CAMK1D: variants seen among roughly 807,000 people sequenced by gnomAD.
CAMK1D encodes calcium/calmodulin dependent protein kinase ID, also known as calcium/calmodulin-dependent protein kinase type 1D.
CAMK1D carries 9 observed loss-of-function variants against 47.7 expected under a neutral mutation model. The observed-to-expected ratio is 0.19, with a 90% CI of 0.11 to 0.33. CAMK1D has a LOEUF of 0.33. Ranked by LOEUF, CAMK1D falls within the 10% of genes least tolerant of loss-of-function variation. CAMK1D has a pLI of 1.00. For synonymous variants in CAMK1D, 184 were observed against 184.9 expected (o/e 0.99, Z 0.04); for missense variants, 291 against 488.7 (o/e 0.60, Z 3.81).
intron 5 of CAMK1D, among the ~76,000 whole-genome samples, chr10:12,787,341 C>A (rs1227196659): frequency 6.6e-6 from 1 of 152,150 alleles, no homozygotes; most frequent in African/African-American, 2.4e-5. Flanking sequence ...TTTATTCTTT[C>A]TTTTTCTGAG....
At chr10:12,617,380 ACT>A (rs1232961389) in intron 2 of CAMK1D, among the ~76,000 whole-genome samples, 2 of 152,162 alleles carry the variant, frequency 1.3e-5, no homozygotes, top group Non-Finnish European at 2.9e-5. Context: ...CCCCGTGTTA[ACT>A]CTGGCGTCAC....
intron 2 of CAMK1D, among the ~76,000 whole-genome samples, chr10:12,633,328 A>G (rs1839430879): frequency 6.6e-6 from 1 of 152,130 alleles, no homozygotes; most frequent in African/African-American, 2.4e-5. Context: ...TTTCCCTGAG[A>G]AGAAGCTCTG....
At chr10:12,810,706 A>G (rs1384639900) in intron 6 of CAMK1D, among the ~76,000 whole-genome samples, 1 of 152,226 alleles carries the variant, frequency 6.6e-6, no homozygotes, top group African/African-American at 2.4e-5. Context: ...GAGAACACAA[A>G]GTCAGATTGA....
At chr10:12,359,483 T>C (rs911229904) in intron 1 of CAMK1D, among the ~76,000 whole-genome samples, 26 of 151,506 alleles carry the variant, frequency 1.7e-4, no homozygotes, top group African/African-American at 6.3e-4. Context: ...CCTAGTTAGC[T>C]GTGTGTCCCA....
At chr10:12,458,622 T>C (rs1258289586) in intron 1 of CAMK1D, among the ~76,000 whole-genome samples, 1 of 151,732 alleles carries the variant, frequency 6.6e-6, no homozygotes, top group Non-Finnish European at 1.5e-5. Flanking sequence ...AGAAATGAGG[T>C]CTCACTGTGT....
intron 3 of CAMK1D, among the ~76,000 whole-genome samples, chr10:12,670,849 C>T (rs543634467): frequency 9.2e-5 from 14 of 152,008 alleles, no homozygotes; most frequent in East Asian, 1.9e-4. Context: ...GTGCCCAGCC[C>T]GAAATGTTTT....
At chr10:12,789,741 C>T (rs954457562) in intron 5 of CAMK1D, among the ~76,000 whole-genome samples, 2 of 152,228 alleles carry the variant, frequency 1.3e-5, no homozygotes, top group Non-Finnish European at 2.9e-5. Context: ...CACTTCCTGT[C>T]AAGGATTGTT....
chr10:12,765,388 G>A (rs1373866841), intron 4 of CAMK1D, among the ~76,000 whole-genome samples: 1 of 151,920 alleles, frequency 6.6e-6, no homozygotes, highest in African/African-American at 2.4e-5. Context: ...GAGGGGAGGG[G>A]GTAGTGGATG....
At chr10:12,670,944 T>C (rs1564480697) in intron 3 of CAMK1D, among the ~76,000 whole-genome samples, 1 of 152,204 alleles carries the variant, frequency 6.6e-6, no homozygotes, top group Non-Finnish European at 1.5e-5. Context: ...CCTGTACTCA[T>C]TAGCAATCAC....
At chr10:12,632,570 G>T (rs1308133161) in intron 2 of CAMK1D, among the ~76,000 whole-genome samples, 1 of 152,204 alleles carries the variant, frequency 6.6e-6, no homozygotes, top group Non-Finnish European at 1.5e-5. Context: ...CCTTACAGAA[G>T]CCTGGGGTAA....
At chr10:12,603,333 A>G (rs762090815) in intron 2 of CAMK1D, among the ~76,000 whole-genome samples, 72 of 152,268 alleles carry the variant, frequency 4.7e-4, no homozygotes, top group Non-Finnish European at 9.1e-4. Context: ...CCAGTTGCGC[A>G]GTGCCTGAAG....
chr10:12,486,171 T>A lies in CAMK1D; in HGVS notation c.93-67054T>A, dbSNP rs750016630. Among the ~76,000 whole-genome samples, 545 of 151,930 alleles carry A rather than the reference T, an allele frequency of 3.6e-3. 2 individuals are homozygous for A. The highest frequency in any genetic ancestry group is 0.01 in the Middle Eastern group (3 of 292). On this transcript the variant is annotated intron_variant, in intron 1 of 10. Coordinates refer to ENST00000619168, the MANE Select transcript of CAMK1D (RefSeq NM_153498.4). ...TTGGGACTTGCCAGTCTCTTTTTTT[T>A]TTTTTGAGACAGAGTCTCGCTCTGT...
intron 2 of CAMK1D, among the ~76,000 whole-genome samples, chr10:12,593,482 C>T (rs1298219959): frequency 6.6e-6 from 1 of 152,108 alleles, no homozygotes; most frequent in East Asian, 1.9e-4. Flanking sequence ...CCCAGCTACT[C>T]TGGAGGCTGA....
intron 1 of CAMK1D, among the ~76,000 whole-genome samples, chr10:12,464,828 A>G (rs200321849): frequency 0.25 from 37,530 of 151,442 alleles, 5,853 homozygotes; most frequent in Non-Finnish European, 0.34. Flanking sequence ...AAAAAAAAAA[A>G]AAAGAGTGAT....
At chr10:12,550,317 C>A (rs573279686) in intron 1 of CAMK1D, among the ~76,000 whole-genome samples, 5 of 152,306 alleles carry the variant, frequency 3.3e-5, no homozygotes, top group South Asian at 4.1e-4. Flanking sequence ...GGTGCTTGAA[C>A]CTTGGTCTTT....
intron 8 of CAMK1D, 96 bp downstream of exon 8, chr10:12,816,424 C>A: frequency 1.0e-6 from 1 of 959,532 alleles, no homozygotes; most frequent in Non-Finnish European, 1.6e-6. Context: ...ATGAAATCCA[C>A]ACAGGATTAT....
At chr10:12,518,150 G>A (rs1835265793) in intron 1 of CAMK1D, among the ~76,000 whole-genome samples, 1 of 152,038 alleles carries the variant, frequency 6.6e-6, no homozygotes, top group East Asian at 1.9e-4. Context: ...TTTCATCTAA[G>A]CTACGCAAAG....
At chr10:12,801,315 A>G (rs1362483334) in intron 6 of CAMK1D, among the ~76,000 whole-genome samples, 1 of 108,566 alleles carries the variant, frequency 9.2e-6, no homozygotes, top group African/African-American at 4.2e-5. Flanking sequence ...CTATCTATCT[A>G]TCTATCTATC....
At chr10:12,743,634 C>A (rs1227230671) in intron 3 of CAMK1D, among the ~76,000 whole-genome samples, 1 of 152,154 alleles carries the variant, frequency 6.6e-6, no homozygotes, top group East Asian at 1.9e-4. Context: ...TTCCTACCAC[C>A]CCCAAAACGA....
Sources: allele counts gnomAD v4.1 joint callset (sites outside exome capture counted in the v4.1 genomes callset), GRCh38; gene constraint gnomAD v4.1.1; transcripts MANE v1.5; gene names NCBI Gene and HGNC (gene_info 2026-07-23, HGNC 2026-07-21).